Variants in CFAP74 observed in about 807,000 individuals in gnomAD.
The protein encoded by CFAP74 is cilia and flagella associated protein 74.
In CFAP74, 124 loss-of-function variants were observed where a neutral mutation model predicts 188.9. That is an observed-to-expected ratio of 0.66 (90% CI 0.57 to 0.76). CFAP74 has a LOEUF of 0.76. CFAP74 is among the 30% of genes least tolerant of loss of function. The probability of loss-of-function intolerance (pLI) is 0.00; values close to 1 mark genes in which losing one functional copy is unlikely to be tolerated. For synonymous variants in CFAP74, 956 were observed against 916.7 expected, an observed-to-expected ratio of 1.04 and a Z score of -0.77; for missense variants, 2,198 against 2,165.2, an observed-to-expected ratio of 1.02 and a Z score of -0.30.
chr1:1,948,254 T>C (rs1570887614), intron 18 of CFAP74, among the ~76,000 whole-genome samples: 2 of 152,004 alleles, frequency 1.3e-5, no homozygotes, highest in East Asian at 3.9e-4. Context: ...TGAGCGCAGG[T>C]GGTCAGATTC....
Position 1,956,804 on chromosome 1 carries a change from G to T in CFAP74, c.1852-20C>A. On this transcript the variant is annotated intron_variant, in intron 16 of 38. Transcript: ENST00000682832. ...GGACAGCTGCCAGAGGACATGGAGTGAACTCAGGGCCACCGTGCCAGGCCC... is the reference window on the plus strand; with the variant it reads ...GGACAGCTGCCAGAGGACATGGAGTTAACTCAGGGCCACCGTGCCAGGCCC... 1 of 1,608,336 alleles carries T rather than the reference G, an allele frequency of 6.2e-7. No homozygotes were observed. Among genetic ancestry groups the T allele is most frequent in the South Asian group, 1.1e-5 (1 of 90,128 alleles).
intron 18 of CFAP74, chr1:1,955,395 C>G: frequency 7.2e-7 from 1 of 1,396,888 alleles, no homozygotes; most frequent in Non-Finnish European, 9.5e-7. Context: ...CAGGGGGCAC[C>G]GCAGAGCCTC....
intron 6 of CFAP74, among the ~76,000 whole-genome samples, chr1:1,979,367 A>G (rs911473952): frequency 1.3e-4 from 15 of 112,888 alleles, no homozygotes; most frequent in East Asian, 3.3e-4. Flanking sequence ...TGCGTGTGGT[A>G]CTGAGCTGGG....
chr1:1,986,432 T>A (rs4648749), intron 5 of CFAP74, among the ~76,000 whole-genome samples: 151,492 of 152,266 alleles, frequency 0.99, 75,362 homozygotes, highest in East Asian at 1. Context: ...CCCCTCCAGG[T>A]CGGGCACCCT....
At position 1,981,885 on chromosome 1, in the gene CFAP74, A is replaced by ACC. The variant is rs1425464570; in HGVS notation, c.500+3500_500+3501insGG. Among the ~76,000 whole-genome samples, 135 of 98,302 alleles carry ACC rather than the reference A, an allele frequency of 1.4e-3. 1 individual carries two copies. Among genetic ancestry groups the ACC allele is most frequent in the Admixed American group, 1.6e-3 (16 of 9,828 alleles). 64.5% of individuals were successfully genotyped at this position (98,302 alleles called of 152,430 possible). A position where few individuals can be genotyped will look rare whatever the true frequency, so the allele number is the denominator to read the frequency against. ...GGACAGACACGGGGGCACGCAGGAC[A>ACC]CACAGCCGCGGACAGACACGGGGGC... On this transcript the variant is annotated intron_variant, in intron 6 of 38. Transcript: ENST00000682832.
Position 1,941,480 on chromosome 1 carries a change from G to A in CFAP74, c.2615+548C>T, listed in dbSNP as rs371051780. Among the ~76,000 whole-genome samples, 53 of 152,382 alleles carry A rather than the reference G, an allele frequency of 3.5e-4. 3 individuals carry two copies. The East Asian group carries it at 3.9e-3, about 11-fold the overall frequency. On this transcript the variant is annotated intron_variant, in intron 22 of 38. Coordinates refer to ENST00000682832, the MANE Select transcript of CFAP74 (RefSeq NM_001304360.2). ...GGGATGCAGCCAGCAGGCCTGGGAA[G>A]AGCCTTGGATTAGACGAGGGACAGC...
In CFAP74 at chr1:1,938,989, C is replaced by T; in HGVS notation, c.2878-1G>A. On this transcript the variant is annotated splice_acceptor_variant, in intron 24 of 38. Coordinates refer to ENST00000682832, the MANE Select transcript of CFAP74 (RefSeq NM_001304360.2). LOFTEE classifies it high-confidence loss of function. ...CATCGTTGGGTTGGACGTCCACAAA[C>T]TGGAAATAGAAGAGTGCTCTGAGGG... The T allele has an allele frequency of 2.0e-6, 3 of 1,535,898 alleles. No homozygotes were observed. The East Asian group carries it at 7.3e-5, about 38-fold the overall frequency.
chr1:1,995,720 T>C (rs1657882589), intron 1 of CFAP74, among the ~76,000 whole-genome samples: 1 of 150,184 alleles, frequency 6.7e-6, no homozygotes, highest in African/African-American at 2.4e-5. Flanking sequence ...CCATCCTGGC[T>C]AACACGGTGA....
chr1:1,927,093 C>A, intron 28 of CFAP74, 65 bp from the exon 29 acceptor site: 1 of 1,536,464 alleles, frequency 6.5e-7, no homozygotes, highest in Non-Finnish European at 8.8e-7. Flanking sequence ...CAGGCCGGAC[C>A]CCTGCGGCTC....
rs1212848838 is a variant in CFAP74, at chr1:1,930,065, C to T, written c.3283G>A (p.Gly1095Arg). The T allele has an allele frequency of 6.6e-7, 1 of 1,518,058 alleles. No homozygotes were observed. 94.0% of individuals were successfully genotyped at this position (1,518,058 alleles called of 1,614,324 possible). A position where few individuals can be genotyped will look rare whatever the true frequency, so the allele number is the denominator to read the frequency against. ...CATGTGGGGCCCACACCCACCTTTC[C>T]TGGCCACACGGTCCCCACTGAGGGC... The part of the protein sequence containing the change: ...ISPSVGTVWP[G>R]KRCLVQVAFR... Residue 1095 changes from glycine to arginine, a missense_variant, in exon 26 of 39, where the codon GGA becomes AGA. By Grantham distance (125) the Gly-to-Arg change is moderately radical. Coordinates refer to ENST00000682832, the MANE Select transcript of CFAP74 (RefSeq NM_001304360.2).
At chr1:1,927,883 C>A (rs547103607) in intron 27 of CFAP74, 137 bp from the exon 28 acceptor site, 7 of 977,032 alleles carry the variant, frequency 7.2e-6, no homozygotes, top group African/African-American at 1.6e-5. Context: ...AAAAGCCGAC[C>A]GGCGCCCGAG....
chr1:1,980,060 C>T lies in CFAP74; in HGVS notation c.500+5326G>A, dbSNP rs114352675. Among the ~76,000 whole-genome samples the T allele has an allele frequency of 9.7e-3, 1,453 of 149,698 alleles. 30 individuals carry two copies. Among genetic ancestry groups the T allele is most frequent in the Middle Eastern group, 0.035 (10 of 286 alleles). The stretch of plus-strand genomic sequence containing the variant: ...ACGGCGTCTGGCACGCAGTGGGCAC[C>T]CTCTTACCGCGTGGGGAGGACGGGT... On this transcript the variant is annotated intron_variant, in intron 6 of 38. Transcript: ENST00000682832.
chr1:1,948,145 A>C (rs1348208190), intron 18 of CFAP74, among the ~76,000 whole-genome samples: 5 of 152,124 alleles, frequency 3.3e-5, no homozygotes, highest in South Asian at 2.1e-4. Context: ...TGCTGGGATT[A>C]CAGGCGTGAG....
rs745710566 is a variant in CFAP74 at position 1,944,347 on chromosome 1, C to T, written c.2470G>A (p.Val824Met). The change falls in exon 21 of 39, where the codon GTG becomes ATG. Residue 824 changes from valine (V) to methionine (M), a missense_variant. Physicochemically the swap from Val to Met is conservative, Grantham distance 21. Coordinates refer to ENST00000682832, the MANE Select transcript of CFAP74 (RefSeq NM_001304360.2). ...GGGGCTCACCGCGTGTGCACGAGCA[C>T]AGAGTCCTGGTAGAGCCGGTCATAC... Reference protein sequence around the residue: ...CMYDRLYQDSVLVHTRSKAAL... With the variant: ...CMYDRLYQDSMLVHTRSKAAL... The T allele has an allele frequency of 1.3e-6, 2 of 1,535,606 alleles. No homozygotes were observed. Among genetic ancestry groups the T allele is most frequent in the South Asian group, 1.2e-5 (1 of 84,050 alleles).
intron 14 of CFAP74, 51 bp from the exon 15 acceptor site, chr1:1,960,081 C>T (rs781383551): frequency 3.0e-5 from 45 of 1,499,942 alleles, no homozygotes; most frequent in Non-Finnish European, 3.6e-5. Context: ...GGAGGGCAGA[C>T]GCTCGCCTCA....
intron 18 of CFAP74, chr1:1,954,908 G>A (rs912273747): frequency 2.5e-6 from 3 of 1,182,558 alleles, no homozygotes; most frequent in Non-Finnish European, 3.2e-6. Flanking sequence ...GTGCAGAACG[G>A]CCTTCGCAAC....
At chr1:1,979,942 G>A (rs1656724662) in intron 6 of CFAP74, among the ~76,000 whole-genome samples, 1 of 151,228 alleles carries the variant, frequency 6.6e-6, no homozygotes, top group East Asian at 1.9e-4. Flanking sequence ...GAACACGCGT[G>A]TGATCGCTCA....
intron 18 of CFAP74, chr1:1,955,299 T>G: frequency 7.7e-7 from 1 of 1,298,386 alleles, no homozygotes; most frequent in Non-Finnish European, 1.0e-6. Context: ...GCCCGCCCGT[T>G]TCTCGGCACC....
At position 1,975,627 on chromosome 1, in the gene CFAP74, G is replaced by C. The variant is rs1656388784; in HGVS notation, c.501-1429C>G. ...CTTTCCAGGGAGCATGGGTCACTTC[G>C]GATCTCTGGCTGGTGTCCTGTCATG... On this transcript the variant is annotated intron_variant, in intron 6 of 38. Coordinates refer to ENST00000682832, the MANE Select transcript of CFAP74 (RefSeq NM_001304360.2). The surrounding 1 kb of genome is among the most constrained non-coding windows in gnomAD (Gnocchi z 4.5). 6.6e-6 allele frequency among the ~76,000 whole-genome samples: 1 copy of C among 152,130 alleles called. No homozygotes were observed. The highest frequency in any genetic ancestry group is 6.5e-5 in the Admixed American group (1 of 15,272).
Sources: gnomAD v4.1 joint callset for allele counts (sites outside exome capture counted in the v4.1 genomes callset) on GRCh38, gnomAD v4.1.1 for gene constraint, Gnocchi (gnomAD v3.1) non-coding constraint, MANE v1.5 for transcripts, NCBI Gene and HGNC (gene_info 2026-07-23, HGNC 2026-07-21) for gene names.